SGCD: variants seen among roughly 807,000 people sequenced by gnomAD.
The protein encoded by SGCD is delta-sarcoglycan.
Under a neutral mutation model 36.6 loss-of-function variants are expected in SGCD, and 18 were observed. The observed-to-expected ratio is 0.49, with a 90% CI of 0.34 to 0.73. SGCD has a LOEUF of 0.73. Ranked by LOEUF, SGCD falls within the 30% of genes least tolerant of loss-of-function variation. The probability of loss-of-function intolerance (pLI) is 0.01; values close to 1 mark genes in which losing one functional copy is unlikely to be tolerated. For synonymous variants in SGCD, 133 were observed against 130.6 expected (o/e 1.02, Z -0.12); for missense variants, 387 against 346.7 (o/e 1.12, Z -0.92).
chr5:156,427,991 A>G (rs145918164), intron 3 of SGCD, among the ~76,000 whole-genome samples: 71 of 151,952 alleles, frequency 4.7e-4, no homozygotes, highest in Non-Finnish European at 8.7e-4. Context: ...TATCAGCCAC[A>G]GTTTTCTTTT....
chr5:155,902,023 T>C (rs1239002575), intron 1 of SGCD, among the ~76,000 whole-genome samples: 1 of 152,194 alleles, frequency 6.6e-6, no homozygotes, highest in Non-Finnish European at 1.5e-5. Flanking sequence ...TTAAACAATC[T>C]GATTCTAAAG....
intron 3 of SGCD, among the ~76,000 whole-genome samples, chr5:156,486,406 G>C (rs1755661006): frequency 6.6e-6 from 1 of 152,106 alleles, no homozygotes; most frequent in African/African-American, 2.4e-5. Flanking sequence ...TAACAACCCT[G>C]CCTCCTGCAG....
intron 3 of SGCD, among the ~76,000 whole-genome samples, chr5:156,362,205 GA>G (rs1289147798): frequency 6.6e-6 from 1 of 152,216 alleles, no homozygotes; most frequent in African/African-American, 2.4e-5. Flanking sequence ...TCATTCATGA[GA>G]GGCCATTTGA....
intron 7 of SGCD, among the ~76,000 whole-genome samples, chr5:156,707,601 T>G (rs1754799057): frequency 6.6e-6 from 1 of 152,158 alleles, no homozygotes; most frequent in African/African-American, 2.4e-5. Flanking sequence ...CTAGTCTGTA[T>G]ATTTTTAATA....
intron 1 of SGCD, among the ~76,000 whole-genome samples, chr5:156,074,889 C>G (rs965216047): frequency 7.9e-5 from 12 of 151,932 alleles, no homozygotes; most frequent in African/African-American, 2.2e-4. Context: ...AGAAATAGGT[C>G]AAAAAGGGAA....
chr5:155,783,879 G>A, the SGCD span, among the ~76,000 whole-genome samples: 1 of 152,148 alleles, frequency 6.6e-6, no homozygotes, highest in African/African-American at 2.4e-5. Flanking sequence ...GTATGCAAGA[G>A]GAAACAAGAA....
chr5:155,751,719 A>C, the SGCD span, among the ~76,000 whole-genome samples: 1 of 150,534 alleles, frequency 6.6e-6, no homozygotes, highest in Non-Finnish European at 1.5e-5. Context: ...TTTATAAAAA[A>C]AAAAGAAAAA....
intron 3 of SGCD, among the ~76,000 whole-genome samples, chr5:156,133,536 C>T (rs1762377732): frequency 6.6e-6 from 1 of 152,138 alleles, no homozygotes; most frequent in African/African-American, 2.4e-5. Context: ...TTAAAATTCT[C>T]TCATCTGATC....
chr5:156,198,575 C>A (rs558761455), intron 3 of SGCD, among the ~76,000 whole-genome samples: 13 of 152,160 alleles, frequency 8.5e-5, no homozygotes, highest in Non-Finnish European at 1.6e-4. Flanking sequence ...CATCCTCACT[C>A]TTTGCCCTTT....
At chr5:155,969,568 A>C (rs1314626955) in intron 1 of SGCD, among the ~76,000 whole-genome samples, 1 of 152,272 alleles carries the variant, frequency 6.6e-6, no homozygotes, top group South Asian at 2.1e-4. Context: ...GGCAGAAGAC[A>C]TGTGGTGTGA....
At chr5:156,034,582 G>A (rs571527795) in intron 1 of SGCD, among the ~76,000 whole-genome samples, 4 of 152,230 alleles carry the variant, frequency 2.6e-5, no homozygotes, top group Admixed American at 2.6e-4. Context: ...ATTGTGTCTT[G>A]TGTGATTTTG....
rs189403281 is a variant in SGCD at position 156,704,443 on chromosome 5, G to A, written c.576-53138G>A. 1.4e-3 allele frequency among the ~76,000 whole-genome samples: 217 copies of A among 152,132 alleles called. No individual in the cohort carries two copies. The Middle Eastern group carries it at 0.038, about 26-fold the overall frequency. On this transcript the variant is annotated intron_variant, in intron 7 of 8. Transcript: ENST00000337851. ...TCATATGACTCTTCCTGGAGTTTGA[G>A]GGAAAAGTGGATCCACTCCAACCAT...
At chr5:155,866,779 T>C (rs1331597880), upstream of SGCD, among the ~76,000 whole-genome samples, 1 of 152,192 alleles carries the variant, frequency 6.6e-6, no homozygotes, top group Non-Finnish European at 1.5e-5. Context: ...GACAGGACTC[T>C]AACTCAGGCC....
At chr5:156,734,923 T>A (rs1342142492) in intron 7 of SGCD, among the ~76,000 whole-genome samples, 1 of 152,256 alleles carries the variant, frequency 6.6e-6, no homozygotes, top group Admixed American at 6.5e-5. Context: ...TAGGGCACTT[T>A]AGCTTTTTGA....
chr5:155,954,619 T>A, intron 1 of SGCD, among the ~76,000 whole-genome samples: 1 of 151,746 alleles, frequency 6.6e-6, no homozygotes, highest in Non-Finnish European at 1.5e-5. Context: ...AAGGCATGGC[T>A]TTTTTGTCTG....
chr5:156,554,996 A>T (rs1380029782), intron 4 of SGCD, among the ~76,000 whole-genome samples: 14 of 152,288 alleles, frequency 9.2e-5, no homozygotes, highest in Non-Finnish European at 5.9e-5. Context: ...GATGTTACAC[A>T]TCCTTTCATG....
chr5:156,086,800 A>G (rs1761105846), intron 1 of SGCD, among the ~76,000 whole-genome samples: 1 of 152,096 alleles, frequency 6.6e-6, no homozygotes, highest in Non-Finnish European at 1.5e-5. Context: ...AACATAAAAT[A>G]AACAAGGAAG....
At chr5:155,899,602 A>C (rs1341052342) in intron 1 of SGCD, among the ~76,000 whole-genome samples, 1 of 152,206 alleles carries the variant, frequency 6.6e-6, no homozygotes, top group African/African-American at 2.4e-5. Flanking sequence ...AGAAACGTCA[A>C]GAAAAATAAA....
At chr5:156,286,597 T>A (rs1197519719) in intron 3 of SGCD, among the ~76,000 whole-genome samples, 2 of 152,166 alleles carry the variant, frequency 1.3e-5, no homozygotes, top group Non-Finnish European at 2.9e-5. Context: ...CACCGCATGT[T>A]CTCACTCATA....
Sources: allele counts gnomAD v4.1 joint callset (sites outside exome capture counted in the v4.1 genomes callset), GRCh38; gene constraint gnomAD v4.1.1; transcripts MANE v1.5; gene names NCBI Gene and HGNC (gene_info 2026-07-23, HGNC 2026-07-21).